DAB1: variants seen among roughly 807,000 people sequenced by gnomAD.
DAB1 encodes the protein disabled homolog 1.
Under a neutral mutation model 64.6 loss-of-function variants are expected in DAB1, and 15 were observed. The observed-to-expected ratio is 0.23, with a 90% CI of 0.16 to 0.36. The LOEUF (loss-of-function observed/expected upper bound fraction) is 0.36, where lower values mean the gene tolerates loss of function less well. Among genes scored for constraint, DAB1 ranks in the 10% least tolerant of loss-of-function variants. The pLI, the probability that DAB1 is intolerant of heterozygous loss-of-function variation, is 1.00. For missense variants in DAB1, 596 were observed against 706.7 expected, an observed-to-expected ratio of 0.84 and a Z score of 1.78; for synonymous variants, 235 against 251.9, an observed-to-expected ratio of 0.93 and a Z score of 0.64.
At chr1:58,388,926 A>T (rs906822157) in intron 3 of DAB1, among the ~76,000 whole-genome samples, 1 of 152,218 alleles carries the variant, frequency 6.6e-6, no homozygotes, top group Non-Finnish European at 1.5e-5. Flanking sequence ...TAGGATCCCA[A>T]TTGCAAAATG....
intron 3 of DAB1, among the ~76,000 whole-genome samples, chr1:58,367,860 G>GAT (rs1318130038): frequency 2.0e-5 from 3 of 152,168 alleles, no homozygotes; most frequent in African/African-American, 7.2e-5. Context: ...CTGCTGGCCT[G>GAT]ATATAATGTT....
chr1:57,182,136 T>C (rs889434464), intron 2 of DAB1, among the ~76,000 whole-genome samples: 1 of 152,128 alleles, frequency 6.6e-6, no homozygotes. Context: ...CTGCCCGCCT[T>C]GGCCTCCCAA....
At chr1:58,472,486 G>A (rs1054147830) in intron 3 of DAB1, among the ~76,000 whole-genome samples, 2 of 152,140 alleles carry the variant, frequency 1.3e-5, no homozygotes, top group African/African-American at 2.4e-5. Flanking sequence ...TTTCAACATC[G>A]TGGGTAAAAG....
intron 6 of DAB1, among the ~76,000 whole-genome samples, chr1:57,698,262 ATTT>A (rs71051246): frequency 7.2e-6 from 1 of 138,926 alleles, no homozygotes; most frequent in Non-Finnish European, 1.6e-5. Flanking sequence ...ACTTTTAAAC[ATTT>A]TTTTTTTTTT....
intron 4 of DAB1, among the ~76,000 whole-genome samples, chr1:58,190,260 G>C (rs1283328914): frequency 6.6e-6 from 1 of 152,072 alleles, no homozygotes; most frequent in Non-Finnish European, 1.5e-5. Flanking sequence ...TCTCACATTG[G>C]GTCAAAGATG....
At chr1:57,712,742 C>T (rs766661485) in intron 6 of DAB1, among the ~76,000 whole-genome samples, 11 of 152,122 alleles carry the variant, frequency 7.2e-5, no homozygotes, top group Non-Finnish European at 1.5e-4. Context: ...AACCCTTGGT[C>T]TAACCCAGAA....
At chr1:57,371,717 T>C (rs1372614808) in intron 1 of DAB1, among the ~76,000 whole-genome samples, 14 of 152,228 alleles carry the variant, frequency 9.2e-5, no homozygotes, top group Non-Finnish European at 2.1e-4. Flanking sequence ...TGTTTTAAAC[T>C]CTCAGAGATT....
At chr1:58,439,581 C>A (rs1644984916) in intron 3 of DAB1, among the ~76,000 whole-genome samples, 1 of 152,180 alleles carries the variant, frequency 6.6e-6, no homozygotes, top group Non-Finnish European at 1.5e-5. Context: ...CTGTGCGAGA[C>A]CACTGGCCCC....
At chr1:58,057,278 G>A (rs1383686476) in intron 5 of DAB1, among the ~76,000 whole-genome samples, 1 of 151,706 alleles carries the variant, frequency 6.6e-6, no homozygotes, top group Non-Finnish European at 1.5e-5. Flanking sequence ...TACTCCCCTT[G>A]GCCACCCCCA....
At chr1:57,149,049 G>A (rs558440500) in intron 2 of DAB1, among the ~76,000 whole-genome samples, 9 of 151,968 alleles carry the variant, frequency 5.9e-5, no homozygotes, top group East Asian at 1.9e-4. Flanking sequence ...ATCTCCTCCC[G>A]TCTTTATACA....
At position 57,218,515 on chromosome 1, in the gene DAB1, T is replaced by TAAAAAA. The variant is rs776398255; in HGVS notation, c.67+72443_67+72448dup. Among the ~76,000 whole-genome samples, 18 of 71,448 alleles carry TAAAAAA rather than the reference T, an allele frequency of 2.5e-4. 1 individual carries two copies. In the East Asian group the frequency reaches 2.9e-3, roughly 12 times the overall value. The allele number at this position is 71,448 out of a possible 152,430, so 46.9% of individuals were successfully genotyped here. A position where few individuals can be genotyped will look rare whatever the true frequency, so the allele number is the denominator to read the frequency against. On this transcript the variant is annotated intron_variant, in intron 2 of 14. Coordinates refer to ENST00000371236, the MANE Select transcript of DAB1 (RefSeq NM_001365792.1). ...AGCAACATAGTGAGACCCCCATCTC[T>TAAAAAA]AAAAAAAAAAAAAAAAAAAAAAAAA...
intron 2 of DAB1, among the ~76,000 whole-genome samples, chr1:57,275,039 C>T (rs928982081): frequency 3.3e-5 from 5 of 152,072 alleles, no homozygotes; most frequent in African/African-American, 1.2e-4. Flanking sequence ...TCTTAATTTC[C>T]TTCCAAGATC....
chr1:57,238,895 C>CACACACACACACACACA (rs1558002698), intron 2 of DAB1, among the ~76,000 whole-genome samples: 2 of 124,670 alleles, frequency 1.6e-5, no homozygotes, highest in African/African-American at 5.6e-5. Flanking sequence ...ACACACACAC[C>CACACACACACACACACA]CCTAACTTGA....
chr1:57,488,413 A>C (rs1248818991), intron 7 of DAB1, among the ~76,000 whole-genome samples: 1 of 151,458 alleles, frequency 6.6e-6, no homozygotes, highest in Non-Finnish European at 1.5e-5. Context: ...AAAAAAAAAA[A>C]AAAAAAAAAG....
intron 7 of DAB1, among the ~76,000 whole-genome samples, chr1:57,597,399 G>A (rs1425111987): frequency 6.6e-6 from 1 of 152,196 alleles, no homozygotes; most frequent in East Asian, 1.9e-4. Flanking sequence ...GTAGCACTGG[G>A]AAGAAACGGA....
chr1:57,204,619 A>G (rs1665392116), intron 2 of DAB1, among the ~76,000 whole-genome samples: 1 of 152,198 alleles, frequency 6.6e-6, no homozygotes, highest in Non-Finnish European at 1.5e-5. Flanking sequence ...GCATGAACTT[A>G]AAGGATGTCA....
In DAB1 at chr1:58,087,505, T is replaced by A. The variant is rs1650390417; in HGVS notation, n.387+63006A>T. Among the ~76,000 whole-genome samples the A allele has an allele frequency of 2.6e-5, 4 of 152,196 alleles. No individual in the cohort carries two copies. In the South Asian group the frequency reaches 8.3e-4, roughly 32 times the overall value. ...GGGAAGACCTAGGATTGGAGGAGCT[T>A]GATCTGATATAGGGACTCACTGAGT... On this transcript the variant is annotated intron_variant and non_coding_transcript_variant, in intron 5 of 20. Coordinates refer to the DAB1 transcript ENST00000485760.
At chr1:57,564,484 C>T (rs759978003) in intron 7 of DAB1, among the ~76,000 whole-genome samples, 7 of 152,054 alleles carry the variant, frequency 4.6e-5, no homozygotes, top group Admixed American at 6.6e-5. Flanking sequence ...CAAACTTCTC[C>T]GAGCTAAAGG....
intron 9 of DAB1, among the ~76,000 whole-genome samples, chr1:57,033,871 T>C (rs1000170650): frequency 1.1e-4 from 17 of 152,246 alleles, no homozygotes; most frequent in African/African-American, 3.9e-4. Flanking sequence ...GATAAGAGCA[T>C]GCTGTTTACA....
Sources: gnomAD v4.1 joint callset for allele counts (sites outside exome capture counted in the v4.1 genomes callset) on GRCh38, gnomAD v4.1.1 for gene constraint, MANE v1.5 for transcripts, NCBI Gene and HGNC (gene_info 2026-07-23, HGNC 2026-07-21) for gene names.